Variants in CFAP47 observed in about 807,000 individuals in gnomAD.
CFAP47 encodes the protein cilia- and flagella-associated protein 47.
Under a neutral mutation model 148.1 loss-of-function variants are expected in CFAP47, and 29 were observed. That is an observed-to-expected ratio of 0.20 (90% CI 0.15 to 0.27). The LOEUF (loss-of-function observed/expected upper bound fraction) is 0.27, where lower values mean the gene tolerates loss of function less well. Among genes scored for constraint, CFAP47 ranks in the 10% least tolerant of loss-of-function variants. CFAP47 has a pLI of 1.00. For missense variants in CFAP47, 1,872 were observed against 1,697.5 expected, an observed-to-expected ratio of 1.10 and a Z score of -1.81; for synonymous variants, 664 against 577.3, an observed-to-expected ratio of 1.15 and a Z score of -2.15.
At chrX:36,351,722 A>G (rs1941744354) in intron 59 of CFAP47, among the ~76,000 whole-genome samples, 1 of 111,846 alleles carries the variant, frequency 8.9e-6, no homozygotes, top group Non-Finnish European at 1.9e-5. Context: ...GATTAGCACA[A>G]CCTATCGCAA....
intron 33 of CFAP47, among the ~76,000 whole-genome samples, chrX:36,116,049 T>C (rs7889347): frequency 0.039 from 4,319 of 112,079 alleles, 212 homozygotes; most frequent in African/African-American, 0.13. Context: ...CCGTTGCAGT[T>C]TCTTTTTTGA....
chrX:36,100,295 C>G (rs1427977095), intron 32 of CFAP47, among the ~76,000 whole-genome samples: 1 of 111,904 alleles, frequency 8.9e-6, no homozygotes, highest in Non-Finnish European at 1.9e-5. Flanking sequence ...TATTCTAGTA[C>G]TAAAAGGGAG....
chrX:36,266,546 GGGACAGT>G (rs1324053750), intron 49 of CFAP47, among the ~76,000 whole-genome samples: 1 of 110,452 alleles, frequency 9.1e-6, no homozygotes, highest in African/African-American at 3.3e-5. Flanking sequence ...GTGACCCATA[GGGACAGT>G]GGTGAGGTTG....
rs997842031 is a variant in CFAP47 at position 36,098,841 on chromosome X, A to G, written c.4965A>G (p.Glu1655=). ...ATGTCCTGCCAGAATTTTTGCTTGA[A>G]CCAGAAGATTATAAGAGGTGGATTG... ...ISHVLPEFLL[E]PEDYKRWIEI... The change falls in exon 31 of 64, where the codon GAA becomes GAG. Residue 1655 remains glutamate (E), a synonymous_variant. Transcript: ENST00000378653. 2.6e-6 allele frequency: 3 copies of G among 1,170,912 alleles called. No homozygotes were observed. The African/African-American group carries it at 5.3e-5, about 21-fold the overall frequency.
chrX:36,345,599 G>A (rs782554403), intron 57 of CFAP47, among the ~76,000 whole-genome samples: 2 of 111,619 alleles, frequency 1.8e-5, no homozygotes, highest in Non-Finnish European at 1.9e-5. Flanking sequence ...GGGACCCCTG[G>A]TTTAGTTATC....
At chrX:36,034,077 C>G (rs1937312231) in intron 23 of CFAP47, among the ~76,000 whole-genome samples, 1 of 111,627 alleles carries the variant, frequency 9.0e-6, no homozygotes, top group Admixed American at 9.6e-5. Flanking sequence ...TGTCCATTTA[C>G]TGTCCCAGGG....
chrX:36,262,181 A>T (rs1940836652), intron 49 of CFAP47, among the ~76,000 whole-genome samples: 1 of 112,166 alleles, frequency 8.9e-6, no homozygotes, highest in Non-Finnish European at 1.9e-5. Context: ...GGAGAATGGG[A>T]TATCCATTCC....
At chrX:36,077,684 T>A (rs973252829) in intron 29 of CFAP47, among the ~76,000 whole-genome samples, 2 of 110,988 alleles carry the variant, frequency 1.8e-5, no homozygotes, top group Non-Finnish European at 3.8e-5. Flanking sequence ...AGCAAAAACA[T>A]TGTTAAGAGG....
intron 51 of CFAP47, 44 bp downstream of exon 51, chrX:36,285,770 C>T (rs1556004454): frequency 1.0e-6 from 1 of 993,736 alleles, no homozygotes; most frequent in Non-Finnish European, 1.4e-6. Context: ...ATTTTGTGAG[C>T]ACTCAGACCT....
intron 18 of CFAP47, 27 bp from the exon 19 acceptor site, chrX:35,997,285 A>G (rs1054141897): frequency 3.1e-5 from 9 of 290,808 alleles, no homozygotes; most frequent in Admixed American, 1.3e-4. Context: ...TGTGGTTTCT[A>G]CAAAGTTTTT....
chrX:36,145,754 A>T (rs1939224268), intron 36 of CFAP47, among the ~76,000 whole-genome samples: 1 of 110,943 alleles, frequency 9.0e-6, no homozygotes, highest in African/African-American at 3.3e-5. Context: ...ACTCATCCAT[A>T]TGTGGTCTTC....
At position 35,965,728 on chromosome X, in the gene CFAP47, G is replaced by A. The variant is rs574021413; in HGVS notation, c.1411-837G>A. 1.3e-4 allele frequency among the ~76,000 whole-genome samples: 14 copies of A among 111,195 alleles called. No individual in the cohort carries two copies. The South Asian group carries it at 5.3e-3, about 42-fold the overall frequency. On this transcript the variant is annotated intron_variant, in intron 8 of 63. Transcript: ENST00000378653. ...GCACACAGAGTGAGCTCTGAATCATGTGAGACAAAACAAATATGTACATCT... is the reference window on the plus strand; with the variant it reads ...GCACACAGAGTGAGCTCTGAATCATATGAGACAAAACAAATATGTACATCT...
intron 57 of CFAP47, among the ~76,000 whole-genome samples, chrX:36,346,436 G>A (rs2146982321): frequency 9.0e-6 from 1 of 111,181 alleles, no homozygotes; most frequent in Admixed American, 9.7e-5. Context: ...ACAAGAAAAT[G>A]TTGTCAGTGT....
chrX:36,096,073 G>T (rs369066504), intron 30 of CFAP47, among the ~76,000 whole-genome samples: 1 of 110,930 alleles, frequency 9.0e-6, no homozygotes, highest in East Asian at 2.8e-4. Context: ...TTTATCTCAA[G>T]AATTTTTTCA....
intron 3 of CFAP47, among the ~76,000 whole-genome samples, chrX:35,943,591 ATCTTT>A (rs1204704159): frequency 9.0e-6 from 1 of 111,558 alleles, no homozygotes; most frequent in African/African-American, 3.2e-5. Context: ...AGCAGTGCTC[ATCTTT>A]TCTTTCTGAA....
chrX:36,361,204 G>A (rs1941825324), intron 60 of CFAP47, 126 bp from the exon 61 acceptor site: 3 of 362,921 alleles, frequency 8.3e-6, no homozygotes, highest in African/African-American at 2.6e-5. Flanking sequence ...TAGACATTAA[G>A]CTAAATAATA....
At chrX:35,948,265 C>A (rs1363703476) in intron 3 of CFAP47, 49 bp from the exon 4 acceptor site, 3 of 1,109,872 alleles carry the variant, frequency 2.7e-6, no homozygotes, top group East Asian at 3.0e-5. Flanking sequence ...AGTGTACATG[C>A]AACATTGTAA....
intron 26 of CFAP47, among the ~76,000 whole-genome samples, chrX:36,049,488 TCACACACACACACACA>T (rs397895931): frequency 1.4e-4 from 13 of 92,278 alleles, no homozygotes; most frequent in African/African-American, 4.6e-4. Flanking sequence ...TTTCTCTCTC[TCACACACACACACACA>T]CACACACACA....
chrX:35,924,521 A>G (rs1370660732), intron 1 of CFAP47, among the ~76,000 whole-genome samples: 45 of 97,414 alleles, frequency 4.6e-4, no homozygotes, highest in African/African-American at 1.9e-3. Flanking sequence ...ATATATGTGT[A>G]TATATGCACA....
Sources: allele counts gnomAD v4.1 joint callset (sites outside exome capture counted in the v4.1 genomes callset), GRCh38; gene constraint gnomAD v4.1.1; transcripts MANE v1.5; gene names NCBI Gene and HGNC (gene_info 2026-07-23, HGNC 2026-07-21).